Variants in TEX22 observed in about 807,000 individuals in gnomAD.
TEX22 encodes the protein testis-expressed protein 22.
TEX22 carries 16 observed loss-of-function variants against 11.3 expected under a neutral mutation model. The ratio of observed to expected loss-of-function variants is 1.42; its 90% CI spans 0.96 to 2.15. The LOEUF (loss-of-function observed/expected upper bound fraction) is 2.15, where lower values mean the gene tolerates loss of function less well. Ranked by LOEUF, TEX22 falls within the 30% of genes most tolerant of loss-of-function variation. The probability of loss-of-function intolerance (pLI) is 0.00; values close to 1 mark genes in which losing one functional copy is unlikely to be tolerated. For synonymous variants in TEX22, 97 were observed against 92.3 expected (o/e 1.05, Z -0.29); for missense variants, 220 against 208.6 (o/e 1.05, Z -0.34).
intron 2 of TEX22, among the ~76,000 whole-genome samples, chr14:105,400,135 C>T (rs1331020595): frequency 2.6e-5 from 4 of 152,176 alleles, no homozygotes; most frequent in Non-Finnish European, 5.9e-5. Flanking sequence ...TGAGAGATGG[C>T]TCTAGGCTGT....
rs1555419443 is a variant in TEX22 at position 105,411,851 on chromosome 14, TTGTC to T, written c.*24_*27del. ...CTTCCTAAGAGCCCCATTCAGCCCA[TTGTC>T]TGTCTTCCAGTGCCTTTCCTTGGGG... On this transcript the variant is annotated 3_prime_UTR_variant, in exon 4 of 4. Transcript: ENST00000451127. The T allele has an allele frequency of 6.5e-6, 9 of 1,388,760 alleles. No individual in the cohort carries two copies. Among genetic ancestry groups the T allele is most frequent in the South Asian group, 6.0e-5 (4 of 66,922 alleles). The allele number at this position is 1,388,760 out of a possible 1,614,324, so 86.0% of individuals were successfully genotyped here. A position where few individuals can be genotyped will look rare whatever the true frequency, so the allele number is the denominator to read the frequency against.
intron 2 of TEX22, among the ~76,000 whole-genome samples, chr14:105,407,816 G>T (rs1182321794): frequency 1.3e-5 from 2 of 150,264 alleles, no homozygotes; most frequent in Non-Finnish European, 2.9e-5. Flanking sequence ...TCACTTTGTA[G>T]TTGCAGAACC....
At chr14:105,408,404 GC>G (rs1193229300) in intron 2 of TEX22, among the ~76,000 whole-genome samples, 1 of 151,896 alleles carries the variant, frequency 6.6e-6, no homozygotes, top group Non-Finnish European at 1.5e-5. Context: ...ACCACACCCA[GC>G]TAATTTTTGT....
chr14:105,399,125 G>A (rs587666180), intron 1 of TEX22, among the ~76,000 whole-genome samples, 177 bp from the exon 2 acceptor site: 59 of 152,310 alleles, frequency 3.9e-4, no homozygotes, highest in Admixed American at 7.2e-4. Flanking sequence ...GAAGAGCTGC[G>A]GCGGGAGCTG....
At chr14:105,402,302 T>C (rs2081631782) in intron 2 of TEX22, among the ~76,000 whole-genome samples, 1 of 152,202 alleles carries the variant, frequency 6.6e-6, no homozygotes, top group Non-Finnish European at 1.5e-5. Flanking sequence ...GTTACCTACT[T>C]GGAAAATCCA....
intron 2 of TEX22, among the ~76,000 whole-genome samples, chr14:105,409,115 T>C (rs781995008): frequency 6.6e-6 from 1 of 152,100 alleles, no homozygotes; most frequent in South Asian, 2.1e-4. Flanking sequence ...CCTGGAGCCC[T>C]GGACTGCCAG....
In TEX22 at chr14:105,412,016, A is replaced by AG. The variant is rs1319671059; in HGVS notation, c.*187dup. ...CTGCTGAGGCCTTGGAGACCGGGCT[A>AG]GGGGCTATGGGAGGCCATCTAGGGG... On this transcript the variant is annotated 3_prime_UTR_variant, in exon 4 of 4. Transcript: ENST00000451127. This position sits in a 1 kb window ranked among gnomAD's most constrained non-coding sequence, Gnocchi z 5.8. 4 of 565,852 alleles carry AG rather than the reference A, an allele frequency of 7.1e-6. No individual in the cohort carries two copies. The African/African-American group carries it at 7.9e-5, about 11-fold the overall frequency. 35.1% of individuals were successfully genotyped at this position (565,852 alleles called of 1,614,324 possible). A position where few individuals can be genotyped will look rare whatever the true frequency, so the allele number is the denominator to read the frequency against.
chr14:105,405,435 C>CT (rs1368915912), intron 2 of TEX22, among the ~76,000 whole-genome samples: 3 of 152,176 alleles, frequency 2.0e-5, no homozygotes, highest in Non-Finnish European at 2.9e-5. Flanking sequence ...TGAAAACGGA[C>CT]TAAGTGTTCC....
chr14:105,409,169 C>T (rs923030587), intron 2 of TEX22, among the ~76,000 whole-genome samples: 5 of 152,048 alleles, frequency 3.3e-5, no homozygotes, highest in Admixed American at 1.3e-4. Flanking sequence ...CTTCCCCACT[C>T]CCTCTCCCCT....
In TEX22 at chr14:105,411,851, T is replaced by C; in HGVS notation, c.*18T>C. On this transcript the variant is annotated 3_prime_UTR_variant, in exon 4 of 4. Coordinates refer to ENST00000451127, the MANE Select transcript of TEX22 (RefSeq NM_001195082.2). ...CTTCCTAAGAGCCCCATTCAGCCCATTGTCTGTCTTCCAGTGCCTTTCCTT... is the reference window on the plus strand; with the variant it reads ...CTTCCTAAGAGCCCCATTCAGCCCACTGTCTGTCTTCCAGTGCCTTTCCTT... 7.2e-7 allele frequency: 1 copy of C among 1,388,762 alleles called. No individual in the cohort carries two copies. Among genetic ancestry groups the C allele is most frequent in the Non-Finnish European group, 9.4e-7 (1 of 1,067,084 alleles). 86.0% of individuals were successfully genotyped at this position (1,388,762 alleles called of 1,614,324 possible). A position where few individuals can be genotyped will look rare whatever the true frequency, so the allele number is the denominator to read the frequency against.
intron 2 of TEX22, among the ~76,000 whole-genome samples, chr14:105,404,188 A>G (rs2081646996): frequency 6.6e-6 from 1 of 152,214 alleles, no homozygotes; most frequent in African/African-American, 2.4e-5. Context: ...ACGGCAGCTC[A>G]CTCACATGAC....
chr14:105,402,213 C>T (rs2081631189), intron 2 of TEX22, among the ~76,000 whole-genome samples: 1 of 152,010 alleles, frequency 6.6e-6, no homozygotes, highest in South Asian at 2.1e-4. Context: ...ATTCTGGAAA[C>T]CGAAGCCCTT....
At chr14:105,408,742 T>A (rs1352180257) in intron 2 of TEX22, among the ~76,000 whole-genome samples, 12 of 152,180 alleles carry the variant, frequency 7.9e-5, no homozygotes, top group African/African-American at 2.9e-4. Flanking sequence ...TCCTTTTCAT[T>A]CCTCTGTCTT....
At chr14:105,409,769 TTTTC>T (rs1595222848) in intron 2 of TEX22, among the ~76,000 whole-genome samples, 1 of 150,654 alleles carries the variant, frequency 6.6e-6, no homozygotes, top group African/African-American at 2.5e-5. Flanking sequence ...CCTTCCTTCT[TTTTC>T]TTTCTCTCTC....
intron 2 of TEX22, among the ~76,000 whole-genome samples, chr14:105,408,579 A>G (rs2081671260): frequency 2.0e-5 from 3 of 152,260 alleles, no homozygotes; most frequent in Non-Finnish European, 2.9e-5. Flanking sequence ...GCGTGCCACC[A>G]TGCTGGGCTA....
chr14:105,400,486 A>G (rs2081620981), intron 2 of TEX22, among the ~76,000 whole-genome samples: 2 of 152,148 alleles, frequency 1.3e-5, no homozygotes, highest in Non-Finnish European at 2.9e-5. Context: ...GAGGAGGGCC[A>G]GGGGGTGTGA....
At chr14:105,405,591 A>G (rs1462013291) in intron 2 of TEX22, among the ~76,000 whole-genome samples, 5 of 152,124 alleles carry the variant, frequency 3.3e-5, no homozygotes, top group Admixed American at 3.3e-4. Flanking sequence ...TTCACATTGC[A>G]TTTTTCTGTC....
At position 105,411,355 on chromosome 14, in the gene TEX22, C is replaced by T. The variant is rs1360262266; in HGVS notation, c.151-13C>T. On this transcript the variant is annotated splice_polypyrimidine_tract_variant and intron_variant, in intron 2 of 3. Transcript: ENST00000451127. Reference sequence around the variant, plus strand: ...CGCCGAGGCCCTCGCCGACCCGCTGCCCTGTCCCCCAGGTGTGCGAGCCGC... The same window carrying T: ...CGCCGAGGCCCTCGCCGACCCGCTGTCCTGTCCCCCAGGTGTGCGAGCCGC... 2.4e-5 allele frequency: 32 copies of T among 1,325,040 alleles called. No individual in the cohort carries two copies. Among genetic ancestry groups the T allele is most frequent in the Admixed American group, 3.4e-5 (1 of 29,262 alleles). 82.1% of individuals were successfully genotyped at this position (1,325,040 alleles called of 1,614,324 possible).
intron 2 of TEX22, among the ~76,000 whole-genome samples, chr14:105,407,367 C>T (rs1284135590): frequency 6.6e-6 from 1 of 151,888 alleles, no homozygotes; most frequent in Non-Finnish European, 1.5e-5. Flanking sequence ...CATGCCCGGC[C>T]AGTTTCTTAA....
Sources: allele counts gnomAD v4.1 joint callset (sites outside exome capture counted in the v4.1 genomes callset), GRCh38; gene constraint gnomAD v4.1.1; non-coding constraint Gnocchi (gnomAD v3.1); transcripts MANE v1.5; gene names NCBI Gene and HGNC (gene_info 2026-07-23, HGNC 2026-07-21).